The following DNAAF8 variants were observed in gnomAD, a reference collection of about 807,000 sequenced individuals.
The protein encoded by DNAAF8 is dynein axonemal-associated protein 1.
In DNAAF8, 61 loss-of-function variants were observed where a neutral mutation model predicts 54.6. The observed-to-expected ratio is 1.12, with a 90% CI of 0.91 to 1.38. The LOEUF (loss-of-function observed/expected upper bound fraction) is 1.38, where lower values mean the gene tolerates loss of function less well. Ranked by LOEUF, DNAAF8 falls within the 40% of genes most tolerant of loss-of-function variation. DNAAF8 has a pLI of 0.00. For missense variants in DNAAF8, 837 were observed against 665.0 expected (o/e 1.26, Z -2.85); for synonymous variants, 320 against 270.1 (o/e 1.18, Z -1.81).
chr16:4,740,073 AGTACATATTTTTCTATG>A, intron 3 of DNAAF8, 63 bp from the exon 4 acceptor site: 1 of 1,439,614 alleles, frequency 6.9e-7, no homozygotes, highest in African/African-American at 1.4e-5. Flanking sequence ...AAAAAAAAAA[AGTACATATTTTTCTATG>A]AAAAACATTC....
At position 4,735,644 on chromosome 16, in the gene DNAAF8, A is replaced by G. The variant is rs560302049; in HGVS notation, c.-51-820A>G. On this transcript the variant is annotated intron_variant, in intron 1 of 9. Transcript: ENST00000299320. ...TGGTCAGAGTAGTGACTCCAAAAAA[A>G]AAAAAAAATCACTTAGTGACTCCAA... is the stretch of plus-strand genomic sequence containing the variant. 3.3e-5 allele frequency among the ~76,000 whole-genome samples: 5 copies of G among 152,172 alleles called. No homozygotes were observed. The South Asian group carries it at 1.0e-3, about 32-fold the overall frequency.
chr16:4,746,128 C>G, intron 6 of DNAAF8: 3 of 421,488 alleles, frequency 7.1e-6, no homozygotes, highest in Non-Finnish European at 4.2e-6. Context: ...CCACTTGTGC[C>G]AAGTGGCTAC....
chr16:4,742,842 AG>A (rs2081972074), intron 4 of DNAAF8, among the ~76,000 whole-genome samples, 200 bp from the exon 5 acceptor site: 1 of 152,222 alleles, frequency 6.6e-6, no homozygotes, highest in Non-Finnish European at 1.5e-5. Flanking sequence ...GGCAAAGTGC[AG>A]GCCCACCTTA....
At chr16:4,746,871 G>A in intron 7 of DNAAF8, 56 bp from the exon 8 acceptor site, 1 of 1,440,486 alleles carries the variant, frequency 6.9e-7, no homozygotes, top group Non-Finnish European at 9.3e-7. Context: ...GCCCCAACAA[G>A]AGTTGGAACA....
chr16:4,748,054 G>A, intron 9 of DNAAF8, among the ~76,000 whole-genome samples: 1 of 152,058 alleles, frequency 6.6e-6, no homozygotes, highest in East Asian at 1.9e-4. Flanking sequence ...GGTTGAAAGA[G>A]ACCTAAGCCT....
intron 3 of DNAAF8, 102 bp downstream of exon 3, chr16:4,738,048 A>G: frequency 2.2e-6 from 3 of 1,371,774 alleles, no homozygotes; most frequent in Non-Finnish European, 2.9e-6. Flanking sequence ...ATGCTAGAAC[A>G]TGGTCCTTTT....
At chr16:4,742,552 C>CA (rs576508321) in intron 4 of DNAAF8, among the ~76,000 whole-genome samples, 1,246 of 94,644 alleles carry the variant, frequency 0.013, 12 homozygotes, top group African/African-American at 0.029. Flanking sequence ...ACTAAAAATA[C>CA]AAAAAAAAAA....
chr16:4,747,666 G>A, intron 9 of DNAAF8, 32 bp downstream of exon 9: 1 of 1,564,870 alleles, frequency 6.4e-7, no homozygotes, highest in Non-Finnish European at 8.7e-7. Context: ...GCAGGGGCGG[G>A]CTGACTTGCC....
At chr16:4,735,922 C>T (rs1052701918) in intron 1 of DNAAF8, among the ~76,000 whole-genome samples, 2 of 152,182 alleles carry the variant, frequency 1.3e-5, no homozygotes, top group African/African-American at 2.4e-5. Context: ...TACCACTGCA[C>T]TCTAGCCTGG....
At chr16:4,747,184 C>T (rs572049120) in intron 8 of DNAAF8, 159 bp downstream of exon 8, 1 of 1,212,156 alleles carries the variant, frequency 8.2e-7, no homozygotes, top group Admixed American at 2.4e-5. Context: ...TGCCCACGTC[C>T]ACTGGGTCCC....
chr16:4,747,300 G>A (rs758176380), intron 8 of DNAAF8, 43 bp from the exon 9 acceptor site: 25 of 1,518,018 alleles, frequency 1.6e-5, no homozygotes, highest in Admixed American at 1.5e-4. Flanking sequence ...TGGGAGGGGC[G>A]GCCCCCACGG....
In DNAAF8 at chr16:4,746,911, A is replaced by G; in HGVS notation, c.1182-16A>G. 6.5e-7 allele frequency: 1 copy of G among 1,536,880 alleles called. No individual in the cohort carries two copies. Among genetic ancestry groups the G allele is most frequent in the Non-Finnish European group, 8.7e-7 (1 of 1,142,928 alleles). On this transcript the variant is annotated splice_polypyrimidine_tract_variant and intron_variant, in intron 7 of 9. Transcript: ENST00000299320. ...GTGGAGTGGGCACATCCAGAAACCC[A>G]TTTCTCTCCCTGCAGCTCCAGCCAC...
chr16:4,736,280 A>ACAC (rs1567492688), intron 1 of DNAAF8, among the ~76,000 whole-genome samples, 184 bp from the exon 2 acceptor site: 1 of 151,682 alleles, frequency 6.6e-6, no homozygotes, highest in East Asian at 1.9e-4. Context: ...CATGAGTGGG[A>ACAC]ACACACACAC....
intron 6 of DNAAF8, 113 bp downstream of exon 6, chr16:4,745,124 A>C: frequency 7.4e-7 from 1 of 1,346,036 alleles, no homozygotes; most frequent in Non-Finnish European, 1.0e-6. Flanking sequence ...TTTCTCAGTC[A>C]CTCTCAAGCA....
At position 4,747,533 on chromosome 16, in the gene DNAAF8, C is replaced by G. The variant is rs955282421; in HGVS notation, c.1471C>G (p.Arg491Gly). The G allele has an allele frequency of 9.9e-6, 16 of 1,612,908 alleles. No homozygotes were observed. The highest frequency in any genetic ancestry group is 1.4e-5 in the Non-Finnish European group (16 of 1,179,864). Residue 491 changes from arginine (R) to glycine (G), a missense_variant, in exon 9 of 10, where the codon CGA becomes GGA. Transcript: ENST00000299320. ...TGCCAAGGGGCAGAGCGCCCAGGCT[C>G]GACTCCCAAGAGGCAGGCCCAGAGC... ...LCAKGQSAQA[R>G]LPRGRPRALG... is the part of the protein sequence containing the mutation.
chr16:4,747,032 A>C lies in DNAAF8; in HGVS notation c.1280+7A>C. On this transcript the variant is annotated splice_region_variant and intron_variant, in intron 8 of 9. Transcript: ENST00000299320. Reference sequence around the variant, plus strand: ...CTTCCTCCCTGGGGCTACGGTAACCACCCAGGGGCCTCTCGCCACCTGCAG... The same window carrying C: ...CTTCCTCCCTGGGGCTACGGTAACCCCCCAGGGGCCTCTCGCCACCTGCAG... 6.6e-7 allele frequency: 1 copy of C among 1,521,280 alleles called. No individual in the cohort carries two copies. The highest frequency in any genetic ancestry group is 1.3e-5 in the South Asian group (1 of 79,492). The allele number at this position is 1,521,280 out of a possible 1,614,324, so 94.2% of individuals were successfully genotyped here. A position where few individuals can be genotyped will look rare whatever the true frequency, so the allele number is the denominator to read the frequency against.
At chr16:4,738,053 C>G (rs2081917996) in intron 3 of DNAAF8, 107 bp downstream of exon 3, 7 of 1,336,356 alleles carry the variant, frequency 5.2e-6, no homozygotes, top group Non-Finnish European at 7.0e-6. Flanking sequence ...AGAACATGGT[C>G]CTTTTTTTTT....
rs974060394 is a variant in DNAAF8 at position 4,734,710 on chromosome 16, C to G, written c.-52+12C>G. Reference sequence around the variant, plus strand: ...GGCAGAGGCCTGAGGTGAGGGGCCTCGGGCCTGCTGCGCCTGCAGGGAGTT... The same window carrying G: ...GGCAGAGGCCTGAGGTGAGGGGCCTGGGGCCTGCTGCGCCTGCAGGGAGTT... On this transcript the variant is annotated intron_variant, in intron 1 of 9. Transcript: ENST00000299320. 6.6e-6 allele frequency: 1 copy of G among 152,144 alleles called. No individual in the cohort carries two copies. Among genetic ancestry groups the G allele is most frequent in the African/African-American group, 2.4e-5 (1 of 41,396 alleles). 9.4% of individuals were successfully genotyped at this position (152,144 alleles called of 1,614,324 possible).
At chr16:4,736,718 G>A in intron 2 of DNAAF8, 75 bp downstream of exon 2, 1 of 1,331,240 alleles carries the variant, frequency 7.5e-7, no homozygotes, top group South Asian at 1.9e-5. Context: ...GGACAGCTTT[G>A]GAGCACTTCT....
Sources: allele counts gnomAD v4.1 joint callset (sites outside exome capture counted in the v4.1 genomes callset), GRCh38; gene constraint gnomAD v4.1.1; transcripts MANE v1.5; gene names NCBI Gene and HGNC (gene_info 2026-07-23, HGNC 2026-07-21).